MAPKBP1: variants seen among roughly 807,000 people sequenced by gnomAD.
MAPKBP1 encodes mitogen-activated protein kinase-binding protein 1.
A neutral mutation model predicts 170.5 loss-of-function variants in MAPKBP1; 71 were observed. The observed-to-expected ratio is 0.42, with a 90% confidence interval of 0.34 to 0.51. MAPKBP1 has a LOEUF of 0.51. Among genes scored for constraint, MAPKBP1 ranks in the 20% least tolerant of loss-of-function variants. The pLI, the probability that MAPKBP1 is intolerant of heterozygous loss-of-function variation, is 0.06. For missense variants in MAPKBP1, 1,598 were observed against 1,933.0 expected, an observed-to-expected ratio of 0.83 and a Z score of 3.25; for synonymous variants, 719 against 757.9, an observed-to-expected ratio of 0.95 and a Z score of 0.84.
Position 41,789,365 on chromosome 15 carries a change from T to G in MAPKBP1, c.115-10458T>G, listed in dbSNP as rs183454845. Among the ~76,000 whole-genome samples, 435 of 152,216 alleles carry G rather than the reference T, an allele frequency of 2.9e-3. 1 individual carries two copies. The highest frequency in any genetic ancestry group is 4.8e-3 in the Non-Finnish European group (327 of 68,008). ...CATTGAGATAACTCCTTTTCTTGCC[T>G]TTCTGATAACTGTGGAAGAGAAAGA... On this transcript the variant is annotated intron_variant, in intron 2 of 30. Coordinates refer to ENST00000457542, the MANE Select transcript of MAPKBP1 (RefSeq NM_014994.3).
Position 41,825,446 on chromosome 15 carries a change from G to A in MAPKBP1, c.*10G>A, listed in dbSNP as rs892458141. Reference sequence around the variant, plus strand: ...GGAACGCAAACTCTGAGTTCTGGAAGCCTGTCCCAAGTGAATGAATGCTCC... The same window carrying A: ...GGAACGCAAACTCTGAGTTCTGGAAACCTGTCCCAAGTGAATGAATGCTCC... On this transcript the variant is annotated 3_prime_UTR_variant, in exon 31 of 31. Transcript: ENST00000457542. 5.7e-6 allele frequency: 9 copies of A among 1,590,016 alleles called. No individual in the cohort carries two copies. The highest frequency in any genetic ancestry group is 1.3e-5 in the African/African-American group (1 of 74,538).
intron 2 of MAPKBP1, among the ~76,000 whole-genome samples, chr15:41,782,020 G>A (rs1309443149): frequency 2.0e-5 from 3 of 151,258 alleles, no homozygotes; most frequent in East Asian, 1.9e-4. Flanking sequence ...AGGCCGAGGC[G>A]GGCGGATCAT....
In MAPKBP1 at chr15:41,823,983, T is replaced by G; in HGVS notation, c.4135T>G (p.Leu1379Val). Residue 1379 changes from leucine to valine, a missense_variant, in exon 29 of 31, where the codon TTG becomes GTG. Coordinates refer to ENST00000457542, the MANE Select transcript of MAPKBP1 (RefSeq NM_014994.3). ...VSSLFQGPEN[L>V]QPPPPEKTPN... is the part of the protein sequence containing the mutation. Reference sequence around the variant, plus strand: ...CAGCCTCTTCCAAGGCCCTGAAAACTTGCAGCCCCCACCCCCTGAGAAGAC... The same window carrying G: ...CAGCCTCTTCCAAGGCCCTGAAAACGTGCAGCCCCCACCCCCTGAGAAGAC... 1 of 1,613,756 alleles carries G rather than the reference T, an allele frequency of 6.2e-7. No homozygotes were observed. The highest frequency in any genetic ancestry group is 8.5e-7 in the Non-Finnish European group (1 of 1,179,980).
At chr15:41,807,724 C>G (rs1222959113) in intron 3 of MAPKBP1, among the ~76,000 whole-genome samples, 4 of 152,168 alleles carry the variant, frequency 2.6e-5, no homozygotes, top group Non-Finnish European at 5.9e-5. Flanking sequence ...TCATATACTG[C>G]ATAAAGTATT....
At chr15:41,776,762 T>G (rs1240210465) in intron 2 of MAPKBP1, among the ~76,000 whole-genome samples, 1 of 152,236 alleles carries the variant, frequency 6.6e-6, no homozygotes, top group Non-Finnish European at 1.5e-5. Context: ...TAGCCTTCAT[T>G]GTTAATTCTT....
chr15:41,811,026 G>C, intron 4 of MAPKBP1, 81 bp downstream of exon 4: 5 of 1,565,932 alleles, frequency 3.2e-6, no homozygotes, highest in Non-Finnish European at 4.4e-6. Flanking sequence ...CTATGGCTCT[G>C]GGGGCTGGGA....
chr15:41,780,098 G>A (rs976109389), intron 2 of MAPKBP1, among the ~76,000 whole-genome samples: 2 of 152,084 alleles, frequency 1.3e-5, no homozygotes, highest in Non-Finnish European at 1.5e-5. Context: ...GTTGTCTTTC[G>A]AAACCTCCTC....
intron 21 of MAPKBP1, 38 bp from the exon 22 acceptor site, chr15:41,819,557 G>GGGGGGGGGGGGGGGGGGGGGA: frequency 7.2e-7 from 1 of 1,384,690 alleles, no homozygotes; most frequent in African/African-American, 1.5e-5. Context: ...CGGGGGGGGG[G>GGGGGGGGGGGGGGGGGGGGGA]CAGGAGACAC....
Position 41,819,320 on chromosome 15 carries a change from G to A in MAPKBP1, c.2366G>A (p.Gly789Glu). 6.2e-7 allele frequency: 1 copy of A among 1,614,182 alleles called. No homozygotes were observed. Among genetic ancestry groups the A allele is most frequent in the Non-Finnish European group, 8.5e-7 (1 of 1,180,038 alleles). ...AGTGACAAGGAGGGAGAAGATGAGG[G>A]GACTGAAGAAGAACTTCCAGCACTG... ...SDSDKEGEDE[G>E]TEEELPALPV... is the part of the protein sequence containing the mutation. The change falls in exon 21 of 31, where the codon GGG (glycine) becomes GAG (glutamate). Residue 789 changes from glycine to glutamate, a missense_variant. Transcript: ENST00000457542.
chr15:41,779,357 C>T (rs946874951), intron 2 of MAPKBP1, among the ~76,000 whole-genome samples: 5 of 151,954 alleles, frequency 3.3e-5, no homozygotes, highest in African/African-American at 7.3e-5. Flanking sequence ...ATTACAGGCG[C>T]GTGCCACCAC....
chr15:41,792,055 CA>C (rs879326004), intron 2 of MAPKBP1, among the ~76,000 whole-genome samples: 254 of 126,826 alleles, frequency 2.0e-3, no homozygotes, highest in Non-Finnish European at 1.2e-3. Flanking sequence ...AACTCCATCT[CA>C]AAAAAAAAAA....
rs758438147 is a variant in MAPKBP1 at position 41,814,668 on chromosome 15, G to T, written c.1099G>T (p.Val367Leu). 1.2e-6 allele frequency: 2 copies of T among 1,614,104 alleles called. No homozygotes were observed. Among genetic ancestry groups the T allele is most frequent in the African/African-American group, 2.7e-5 (2 of 74,940 alleles). The part of the protein sequence containing the change: ...YNDHSIYVWD[V>L]RDPKKVGKVY... ...CGATCATAGCATTTATGTTTGGGATGTGAGGGACCCCAAGAAAGTGGGCAA... is the reference window on the plus strand; with the variant it reads ...CGATCATAGCATTTATGTTTGGGATTTGAGGGACCCCAAGAAAGTGGGCAA... Residue 367 changes from valine to leucine, a missense_variant, in exon 10 of 31, where the codon GTG becomes TTG. Around this residue, in one of 6 missense-constraint regions of MAPKBP1, gnomAD observed 430 missense variants for 617.2 expected, o/e 0.70. Transcript: ENST00000457542.
rs142172123 is a variant in MAPKBP1, at chr15:41,825,009, C to T, written c.4300-200C>T. 345 of 552,488 alleles carry T rather than the reference C, an allele frequency of 6.2e-4. 1 individual carries two copies. Among genetic ancestry groups the T allele is most frequent in the African/African-American group, 5.9e-3 (310 of 52,916 alleles). The allele number at this position is 552,488 out of a possible 1,614,324, so 34.2% of individuals were successfully genotyped here. On this transcript the variant is annotated intron_variant, in intron 30 of 30. Coordinates refer to ENST00000457542, the MANE Select transcript of MAPKBP1 (RefSeq NM_014994.3). ...AGTTGCTTATAAGATGTAGACGGTT[C>T]TGCAATCCAATGGGTTCCTCCTTGG...
intron 28 of MAPKBP1, 85 bp downstream of exon 28, chr15:41,823,307 C>T (rs2065032652): frequency 3.2e-6 from 5 of 1,551,804 alleles, no homozygotes; most frequent in Non-Finnish European, 4.4e-6. Flanking sequence ...CTGGTGTGGC[C>T]CTGATGTGCC....
intron 23 of MAPKBP1, 73 bp downstream of exon 23, chr15:41,821,141 C>G: frequency 1.5e-6 from 2 of 1,378,620 alleles, no homozygotes; most frequent in Non-Finnish European, 2.1e-6. Context: ...CAGCTGGGAC[C>G]TGAGCACTGG....
rs891016003 is a variant in MAPKBP1, at chr15:41,820,704, G to A, written c.2482-128G>A. ...GATTATACTAGTGCCCATTTCAAAA[G>A]GTTGCTGTGAGGATGAAGTAAGCTA... On this transcript the variant is annotated intron_variant, in intron 22 of 30. Transcript: ENST00000457542. The A allele has an allele frequency of 1.8e-5, 12 of 681,304 alleles. No individual in the cohort carries two copies. The African/African-American group carries it at 2.0e-4, about 11-fold the overall frequency. 42.2% of individuals were successfully genotyped at this position (681,304 alleles called of 1,614,324 possible).
At position 41,775,215 on chromosome 15, in the gene MAPKBP1, C is replaced by G; in HGVS notation, c.-61C>G. 7.3e-7 allele frequency: 1 copy of G among 1,368,458 alleles called. No homozygotes were observed. Among genetic ancestry groups the G allele is most frequent in the Non-Finnish European group, 1.0e-6 (1 of 961,624 alleles). 84.8% of individuals were successfully genotyped at this position (1,368,458 alleles called of 1,614,324 possible). A position where few individuals can be genotyped will look rare whatever the true frequency, so the allele number is the denominator to read the frequency against. On this transcript the variant is annotated 5_prime_UTR_variant, in exon 2 of 31. Coordinates refer to ENST00000457542, the MANE Select transcript of MAPKBP1 (RefSeq NM_014994.3). ...AGCCCTCTGGAGTGGGAAGACAGTG[C>G]CGCTGTTGAGACAAGACCCAGGACT... is the stretch of plus-strand genomic sequence containing the variant.
intron 3 of MAPKBP1, among the ~76,000 whole-genome samples, chr15:41,809,729 GC>G (rs974261530): frequency 4.6e-5 from 7 of 152,256 alleles, no homozygotes; most frequent in African/African-American, 1.7e-4. Context: ...TTGGCTTCTT[GC>G]CCCCGATTCC....
At chr15:41,823,370 C>T (rs938713200) in intron 28 of MAPKBP1, 77 bp from the exon 29 acceptor site, 4 of 1,552,138 alleles carry the variant, frequency 2.6e-6, no homozygotes, top group African/African-American at 1.4e-5. Context: ...GGAACAGCAG[C>T]TCTTCGGGAT....
Sources: gnomAD v4.1 joint callset for allele counts (sites outside exome capture counted in the v4.1 genomes callset) on GRCh38, gnomAD v4.1.1 for gene constraint, gnomAD v4.1.1 regional missense constraint, MANE v1.5 for transcripts, NCBI Gene and HGNC (gene_info 2026-07-23, HGNC 2026-07-21) for gene names.